The following WDR70 variants were observed in gnomAD, a reference collection of about 807,000 sequenced individuals.
The protein encoded by WDR70 is WD repeat domain 70.
WDR70 carries 53 observed loss-of-function variants against 88.6 expected under a neutral mutation model. That is an observed-to-expected ratio of 0.60 (90% confidence interval 0.48 to 0.75). WDR70 has a LOEUF of 0.75. Among genes scored for constraint, WDR70 ranks in the 30% least tolerant of loss-of-function variants. The pLI, the probability that WDR70 is intolerant of heterozygous loss-of-function variation, is 0.00. For missense variants in WDR70, 610 were observed against 823.2 expected (o/e 0.74, Z 3.17); for synonymous variants, 280 against 270.0 (o/e 1.04, Z -0.36).
intron 10 of WDR70, among the ~76,000 whole-genome samples, chr5:37,689,796 C>T (rs1032448256): frequency 3.3e-5 from 5 of 152,222 alleles, no homozygotes; most frequent in African/African-American, 1.2e-4. Flanking sequence ...AACCAGAGTG[C>T]CTCTTCTCCT....
At chr5:37,626,176 G>A (rs1355978704) in intron 10 of WDR70, among the ~76,000 whole-genome samples, 1 of 152,110 alleles carries the variant, frequency 6.6e-6, no homozygotes, top group African/African-American at 2.4e-5. Context: ...AGAATACTGA[G>A]ATTGGGAGTC....
chr5:37,711,381 A>G (rs1197454452), intron 13 of WDR70, among the ~76,000 whole-genome samples: 1 of 152,182 alleles, frequency 6.6e-6, no homozygotes, highest in Admixed American at 6.5e-5. Context: ...TAGACTTAAC[A>G]GATTTTACAA....
intron 8 of WDR70, among the ~76,000 whole-genome samples, chr5:37,514,119 A>G (rs911247588): frequency 1.3e-5 from 2 of 151,380 alleles, no homozygotes; most frequent in African/African-American, 4.9e-5. Flanking sequence ...GGTTCAAGGG[A>G]TCCTCCCACT....
chr5:37,483,797 C>T (rs1292996994), intron 8 of WDR70, among the ~76,000 whole-genome samples: 42 of 148,364 alleles, frequency 2.8e-4, no homozygotes, highest in African/African-American at 5.2e-4. Context: ...CCCTCCCGGA[C>T]GGGGCGGCTG....
chr5:37,687,739 GA>G (rs1746654245), intron 10 of WDR70, among the ~76,000 whole-genome samples: 2 of 140,490 alleles, frequency 1.4e-5, no homozygotes, highest in African/African-American at 5.0e-5. Context: ...AGATCTAGCA[GA>G]ATTTTTTTTT....
At chr5:37,423,663 A>C (rs1009548682) in intron 5 of WDR70, among the ~76,000 whole-genome samples, 25 of 147,768 alleles carry the variant, frequency 1.7e-4, no homozygotes, top group Non-Finnish European at 1.5e-5. Flanking sequence ...TCTTAGGTTC[A>C]AGCTATTTGC....
At chr5:37,591,062 G>A (rs1205960603) in intron 9 of WDR70, among the ~76,000 whole-genome samples, 1 of 152,202 alleles carries the variant, frequency 6.6e-6, no homozygotes, top group Non-Finnish European at 1.5e-5. Context: ...GAGACCAGGT[G>A]TGATGGCTCA....
At chr5:37,429,029 G>A (rs1428564142) in intron 5 of WDR70, among the ~76,000 whole-genome samples, 1 of 152,144 alleles carries the variant, frequency 6.6e-6, no homozygotes, top group Non-Finnish European at 1.5e-5. Context: ...GTGATGAGGT[G>A]TCACTGTGTT....
chr5:37,749,446 T>C (rs1748735005), intron 17 of WDR70, among the ~76,000 whole-genome samples: 1 of 151,866 alleles, frequency 6.6e-6, no homozygotes, highest in Admixed American at 6.6e-5. Flanking sequence ...CTTTTGGACG[T>C]TGGGGTGTGA....
chr5:37,501,872 A>G (rs1052347279), intron 8 of WDR70, among the ~76,000 whole-genome samples: 2 of 152,052 alleles, frequency 1.3e-5, no homozygotes, highest in Admixed American at 6.6e-5. Context: ...GGAGTTAGGT[A>G]ATGTTATACC....
intron 9 of WDR70, among the ~76,000 whole-genome samples, chr5:37,538,455 A>G (rs7728951): frequency 6.6e-6 from 1 of 152,164 alleles, no homozygotes; most frequent in Non-Finnish European, 1.5e-5. Context: ...TGAGACATTC[A>G]TGTAAACAGC....
At chr5:37,394,603 AAG>A (rs1189085834) in intron 4 of WDR70, among the ~76,000 whole-genome samples, 1 of 152,186 alleles carries the variant, frequency 6.6e-6, no homozygotes, top group Non-Finnish European at 1.5e-5. Flanking sequence ...AAAGGTACTT[AAG>A]GTAATGGGAA....
chr5:37,732,688 G>A (rs1267273979), intron 17 of WDR70, among the ~76,000 whole-genome samples: 1 of 151,968 alleles, frequency 6.6e-6, no homozygotes, highest in East Asian at 1.9e-4. Context: ...TTGCCCATTT[G>A]CCTATTTGGT....
intron 9 of WDR70, among the ~76,000 whole-genome samples, chr5:37,589,829 T>A (rs914468230): frequency 6.6e-6 from 1 of 152,156 alleles, no homozygotes; most frequent in Non-Finnish European, 1.5e-5. Flanking sequence ...CTTGAATACC[T>A]GGACTCAAGT....
intron 17 of WDR70, among the ~76,000 whole-genome samples, chr5:37,727,474 T>G (rs1160108410): frequency 6.6e-6 from 1 of 152,192 alleles, no homozygotes; most frequent in Non-Finnish European, 1.5e-5. Flanking sequence ...TCGTATTCCC[T>G]CAGACAGCTT....
chr5:37,669,789 A>G (rs575773269), intron 10 of WDR70, among the ~76,000 whole-genome samples: 126 of 152,354 alleles, frequency 8.3e-4, no homozygotes, highest in African/African-American at 2.9e-3. Flanking sequence ...CAGCTGATGA[A>G]TGGATAAATA....
chr5:37,657,176 A>T (rs1015587700), intron 10 of WDR70, among the ~76,000 whole-genome samples: 3 of 152,078 alleles, frequency 2.0e-5, no homozygotes, highest in African/African-American at 7.2e-5. Context: ...ACTGTGGGAA[A>T]AGCATAGTAT....
chr5:37,560,075 A>T (rs968647005), intron 9 of WDR70, among the ~76,000 whole-genome samples: 3 of 152,132 alleles, frequency 2.0e-5, no homozygotes, highest in African/African-American at 7.2e-5. Context: ...TAAAATTTTG[A>T]TATTTTAGTT....
chr5:37,667,841 T>G (rs1745904584), intron 10 of WDR70, among the ~76,000 whole-genome samples: 1 of 83,828 alleles, frequency 1.2e-5, no homozygotes, highest in African/African-American at 4.7e-5. Flanking sequence ...GTCTGTACGA[T>G]CTGAAAAAAA....
Sources: allele counts gnomAD v4.1 joint callset (sites outside exome capture counted in the v4.1 genomes callset), GRCh38; gene constraint gnomAD v4.1.1; transcripts MANE v1.5; gene names NCBI Gene and HGNC (gene_info 2026-07-23, HGNC 2026-07-21).